Variants in LANCL3 observed in about 807,000 individuals in gnomAD.
LANCL3 encodes the protein lanC-like protein 3.
Under a neutral mutation model 26.5 loss-of-function variants are expected in LANCL3, and 19 were observed. That is an observed-to-expected ratio of 0.72 (90% CI 0.50 to 1.05). LANCL3 has a LOEUF of 1.05. Ranked by LOEUF, LANCL3 falls within the 50% of genes least tolerant of loss-of-function variation. The pLI is 0.00. For missense variants in LANCL3, 318 were observed against 362.7 expected, an observed-to-expected ratio of 0.88 and a Z score of 1.00; for synonymous variants, 160 against 166.6, an observed-to-expected ratio of 0.96 and a Z score of 0.30.
At chrX:37,627,411 A>T (rs1300181512) in intron 1 of LANCL3, among the ~76,000 whole-genome samples, 3 of 111,313 alleles carry the variant, frequency 2.7e-5, no homozygotes, top group Non-Finnish European at 5.7e-5. Context: ...AGGGTATGTG[A>T]GGTAGTGGTA....
At chrX:37,629,290 G>A (rs1925410815) in intron 1 of LANCL3, among the ~76,000 whole-genome samples, 1 of 105,804 alleles carries the variant, frequency 9.5e-6, no homozygotes, top group African/African-American at 3.5e-5. Flanking sequence ...CTTTTTGATG[G>A]GGTTGTTTGT....
At chrX:37,604,230 T>A (rs1025483991) in intron 1 of LANCL3, among the ~76,000 whole-genome samples, 2 of 112,572 alleles carry the variant, frequency 1.8e-5, no homozygotes, top group Non-Finnish European at 3.8e-5. Context: ...GTCAGAGCTG[T>A]TCTGAAGCTA....
chrX:37,629,115 T>C (rs1925402866), intron 1 of LANCL3, among the ~76,000 whole-genome samples: 2 of 107,727 alleles, frequency 1.9e-5, no homozygotes, highest in South Asian at 8.5e-4. Flanking sequence ...ACCTGTTGTT[T>C]CCTGACTTTT....
chrX:37,583,303 C>A (rs1272501482), intron 1 of LANCL3, among the ~76,000 whole-genome samples: 1 of 111,831 alleles, frequency 8.9e-6, no homozygotes, highest in Non-Finnish European at 1.9e-5. Flanking sequence ...AATGTGGGCT[C>A]TTTTTTGATT....
intron 1 of LANCL3, among the ~76,000 whole-genome samples, chrX:37,624,911 G>C (rs1289050641): frequency 8.9e-6 from 1 of 111,790 alleles, no homozygotes; most frequent in Admixed American, 9.5e-5. Context: ...TCAGAGCCTT[G>C]AGTAACCCCA....
At chrX:37,577,996 G>A (rs1479215808) in intron 1 of LANCL3, among the ~76,000 whole-genome samples, 1 of 111,750 alleles carries the variant, frequency 8.9e-6, no homozygotes, top group Non-Finnish European at 1.9e-5. Context: ...GCCACTCCAG[G>A]ATTGTTTCAG....
chrX:37,629,745 G>T (rs1556423798), intron 1 of LANCL3, among the ~76,000 whole-genome samples: 1 of 111,443 alleles, frequency 9.0e-6, no homozygotes, highest in Non-Finnish European at 1.9e-5. Flanking sequence ...GTTTGTCAAA[G>T]ATCAGATAGT....
rs781868476 is a variant in LANCL3 at position 37,574,888 on chromosome X, G to GGTGT, written c.573+2466_573+2469dup. Reference sequence around the variant, plus strand: ...ATAGCTAGATCTCTGACCTTGTATAGGTGTGTGTGTGTGTGTGTGTGTGTA... The same window carrying GGTGT: ...ATAGCTAGATCTCTGACCTTGTATAGGTGTGTGTGTGTGTGTGTGTGTGTGTGTA... On this transcript the variant is annotated intron_variant, in intron 1 of 4. Coordinates refer to ENST00000378619, the MANE Select transcript of LANCL3 (RefSeq NM_001170331.2). 1.6e-4 allele frequency among the ~76,000 whole-genome samples: 16 copies of GGTGT among 100,909 alleles called. No homozygotes were observed. The South Asian group carries it at 1.8e-3, about 11-fold the overall frequency. The allele number at this position is 100,909 out of a possible 115,157, so 87.6% of individuals were successfully genotyped here.
intron 1 of LANCL3, among the ~76,000 whole-genome samples, chrX:37,613,418 G>C (rs1253123218): frequency 1.8e-5 from 2 of 111,159 alleles, no homozygotes; most frequent in Non-Finnish European, 3.8e-5. Context: ...GGTATAGCTT[G>C]CATATAGTAA....
chrX:37,663,789 T>C (rs1926476447), intron 3 of LANCL3, among the ~76,000 whole-genome samples: 1 of 111,168 alleles, frequency 9.0e-6, no homozygotes, highest in South Asian at 3.9e-4. Flanking sequence ...TTGGCTGTAA[T>C]ACCCTCCTTC....
intron 1 of LANCL3, among the ~76,000 whole-genome samples, chrX:37,612,065 C>G (rs782063357): frequency 9.1e-6 from 1 of 110,494 alleles, no homozygotes; most frequent in Admixed American, 9.6e-5. Context: ...CTCAGCCTCC[C>G]GAGTAGCTGG....
intron 1 of LANCL3, among the ~76,000 whole-genome samples, chrX:37,613,185 G>A (rs1268483583): frequency 9.2e-6 from 1 of 108,978 alleles, no homozygotes; most frequent in Non-Finnish European, 1.9e-5. Context: ...TTTCTTTATG[G>A]CCTTTAGTAC....
intron 1 of LANCL3, among the ~76,000 whole-genome samples, chrX:37,631,738 C>A (rs1264694048): frequency 7.2e-5 from 8 of 111,504 alleles, no homozygotes; most frequent in African/African-American, 2.6e-4. Context: ...GCAGGTTGTT[C>A]AGTTTCCATG....
intron 1 of LANCL3, among the ~76,000 whole-genome samples, chrX:37,579,861 A>C (rs1257905044): frequency 3.6e-5 from 4 of 111,343 alleles, no homozygotes; most frequent in Non-Finnish European, 7.5e-5. Context: ...TTGCCCTCCA[A>C]AAATGTTCTA....
At chrX:37,575,534 A>G (rs1364298572) in intron 1 of LANCL3, among the ~76,000 whole-genome samples, 8 of 111,945 alleles carry the variant, frequency 7.1e-5, no homozygotes, top group Non-Finnish European at 1.5e-4. Context: ...TCATGTTTAA[A>G]GAAATCCTTT....
intron 3 of LANCL3, among the ~76,000 whole-genome samples, chrX:37,661,229 A>G (rs888227185): frequency 1.9e-4 from 21 of 111,953 alleles, no homozygotes; most frequent in African/African-American, 6.5e-4. Flanking sequence ...AAGTGGGAAG[A>G]TAATCTACTA....
intron 1 of LANCL3, among the ~76,000 whole-genome samples, chrX:37,606,133 G>A (rs1556420516): frequency 8.9e-6 from 1 of 111,815 alleles, no homozygotes; most frequent in African/African-American, 3.3e-5. Context: ...TCCTCTCCCA[G>A]TGGACTCACA....
intron 1 of LANCL3, among the ~76,000 whole-genome samples, chrX:37,643,786 G>T (rs1925925748): frequency 8.9e-6 from 1 of 111,800 alleles, no homozygotes; most frequent in Admixed American, 9.5e-5. Context: ...TGAGAAGTAT[G>T]CTGAGCTCAA....
chrX:37,572,061 G>C lies in LANCL3; in HGVS notation c.191G>C (p.Gly64Ala), dbSNP rs781840615. ...ATAGASACQGGLYGGVAGVAY... is the reference protein window; with the variant it reads ...ATAGASACQGALYGGVAGVAY... ...GCGGGGGCTAGCGCCTGCCAGGGGG[G>C]GCTTTATGGCGGCGTGGCCGGAGTG... Residue 64 changes from glycine (G) to alanine (A), a missense_variant, in exon 1 of 5, where the codon GGG becomes GCG. Physicochemically the swap from Gly to Ala is moderately conservative, Grantham distance 60. Transcript: ENST00000378619. 3.3e-5 allele frequency: 39 copies of C among 1,179,001 alleles called. No homozygotes were observed. In the East Asian group the frequency reaches 5.8e-4, roughly 18 times the overall value.
Sources: gnomAD v4.1 joint callset for allele counts (sites outside exome capture counted in the v4.1 genomes callset) on GRCh38, gnomAD v4.1.1 for gene constraint, MANE v1.5 for transcripts, NCBI Gene and HGNC (gene_info 2026-07-23, HGNC 2026-07-21) for gene names.